The following CNDP2 variants were observed in gnomAD, a reference collection of about 807,000 sequenced individuals.
CNDP2 encodes the protein cytosolic non-specific dipeptidase.
Under a neutral mutation model 55.0 loss-of-function variants are expected in CNDP2, and 38 were observed. The observed-to-expected ratio is 0.69, with a 90% CI of 0.53 to 0.90. The LOEUF (loss-of-function observed/expected upper bound fraction) is 0.90, where lower values mean the gene tolerates loss of function less well. Ranked by LOEUF, CNDP2 falls within the 40% of genes least tolerant of loss-of-function variation. The pLI is 0.00. For missense variants in CNDP2, 607 were observed against 621.7 expected, an observed-to-expected ratio of 0.98 and a Z score of 0.25; for synonymous variants, 241 against 260.2, an observed-to-expected ratio of 0.93 and a Z score of 0.71.
Position 74,518,313 on chromosome 18 carries a change from T to C in CNDP2, c.1069-186T>C, listed in dbSNP as rs1255136494. ...GTCTCCTCTTTCCTTACTCTAGTTA[T>C]GTAGCTCAGTATTAAGCAACAGAAA... On this transcript the variant is annotated intron_variant, in intron 9 of 11. Transcript: ENST00000324262. 1.4e-5 allele frequency: 8 copies of C among 560,270 alleles called. No individual in the cohort carries two copies. The Admixed American group carries it at 1.6e-4, about 11-fold the overall frequency. 34.7% of individuals were successfully genotyped at this position (560,270 alleles called of 1,614,324 possible).
At chr18:74,514,554 T>C (rs74825293) in intron 8 of CNDP2, among the ~76,000 whole-genome samples, 213 of 133,582 alleles carry the variant, frequency 1.6e-3, no homozygotes, top group Non-Finnish European at 2.5e-3. Context: ...TTATGTGGTA[T>C]GGATGTAAGT....
chr18:74,503,043 T>G (rs1326903572), intron 3 of CNDP2, among the ~76,000 whole-genome samples: 1 of 151,138 alleles, frequency 6.6e-6, no homozygotes, highest in African/African-American at 2.4e-5. Flanking sequence ...GTTGTTTCTT[T>G]TTAGGGTCAG....
chr18:74,519,354 TC>T (rs2144619558), intron 11 of CNDP2, among the ~76,000 whole-genome samples: 1 of 152,338 alleles, frequency 6.6e-6, no homozygotes, highest in South Asian at 2.1e-4. Context: ...TTCCTTTTTT[TC>T]CTGTTCATTT....
intron 3 of CNDP2, among the ~76,000 whole-genome samples, chr18:74,504,185 C>T (rs1978878885): frequency 6.7e-6 from 1 of 149,102 alleles, no homozygotes; most frequent in South Asian, 2.1e-4. Flanking sequence ...CACACGCAGC[C>T]ACACTGCCAC....
chr18:74,510,693 G>T (rs546243549), intron 5 of CNDP2, 120 bp from the exon 6 acceptor site: 31 of 839,926 alleles, frequency 3.7e-5, no homozygotes, highest in Middle Eastern at 3.6e-4. Flanking sequence ...AGGTGCACAC[G>T]GAGGCCCATG....
At chr18:74,503,846 C>A (rs1204276166) in intron 3 of CNDP2, among the ~76,000 whole-genome samples, 3 of 150,398 alleles carry the variant, frequency 2.0e-5, no homozygotes, top group African/African-American at 7.4e-5. Context: ...TCAGGCCACA[C>A]GCCACACACG....
intron 11 of CNDP2, 96 bp downstream of exon 11, chr18:74,519,192 G>A (rs1251280195): frequency 1.3e-5 from 19 of 1,462,890 alleles, no homozygotes; most frequent in Non-Finnish European, 1.5e-5. Flanking sequence ...AAGAGAAGCA[G>A]GTGGGGGTGA....
At position 74,519,110 on chromosome 18, in the gene CNDP2, G is replaced by T. The variant is rs772042166; in HGVS notation, c.1358+14G>T. 7 of 1,595,192 alleles carry T rather than the reference G, an allele frequency of 4.4e-6. No homozygotes were observed. Among genetic ancestry groups the T allele is most frequent in the Admixed American group, 3.4e-5 (2 of 58,918 alleles). Reference sequence around the variant, plus strand: ...AAAGCTCAACAGGTGAGAGTCCAGGGTGCGGCCCAGGTTGGCGTCTCCTGC... The same window carrying T: ...AAAGCTCAACAGGTGAGAGTCCAGGTTGCGGCCCAGGTTGGCGTCTCCTGC... On this transcript the variant is annotated intron_variant, in intron 11 of 11. Transcript: ENST00000324262.
chr18:74,502,168 G>A (rs1169705052), intron 3 of CNDP2, among the ~76,000 whole-genome samples: 1 of 152,216 alleles, frequency 6.6e-6, no homozygotes, highest in Non-Finnish European at 1.5e-5. Flanking sequence ...TTACAGGTGT[G>A]AGCCACTTTT....
Position 74,496,432 on chromosome 18 carries a change from G to A in CNDP2, c.-93+1G>A, listed in dbSNP as rs1252900701. 1 of 152,510 alleles carries A rather than the reference G, an allele frequency of 6.6e-6. No homozygotes were observed. The highest frequency in any genetic ancestry group is 2.4e-5 in the African/African-American group (1 of 41,460). The allele number at this position is 152,510 out of a possible 1,614,324, so 9.4% of individuals were successfully genotyped here. The stretch of plus-strand genomic sequence containing the variant: ...TTGCCTAGTGGGCCTTCCTTCCCAG[G>A]TGGGTCTTCCTGATGGACCTTCCTT... On this transcript the variant is annotated splice_donor_variant, in intron 1 of 11. Coordinates refer to ENST00000324262, the MANE Select transcript of CNDP2 (RefSeq NM_018235.3). LOFTEE classifies it low-confidence loss of function (5UTR_SPLICE).
intron 6 of CNDP2, among the ~76,000 whole-genome samples, chr18:74,511,566 G>C (rs1303644406): frequency 1.3e-5 from 2 of 152,118 alleles, no homozygotes; most frequent in African/African-American, 4.8e-5. Context: ...AAGTTAGCCA[G>C]GTGTGGTGGC....
At chr18:74,517,901 C>A (rs1167735974) in intron 9 of CNDP2, 1 of 152,180 alleles carries the variant, frequency 6.6e-6, no homozygotes, top group Non-Finnish European at 1.5e-5. Context: ...TTTAGAAGAT[C>A]TTTGGAAAGA....
chr18:74,510,675 G>A, intron 5 of CNDP2, 138 bp from the exon 6 acceptor site: 1 of 726,386 alleles, frequency 1.4e-6, no homozygotes, highest in Non-Finnish European at 2.3e-6. Flanking sequence ...TGGGGAGGGG[G>A]TGATGACAGG....
chr18:74,504,681 A>G (rs1254842682), intron 3 of CNDP2: 1 of 152,282 alleles, frequency 6.6e-6, no homozygotes, highest in Non-Finnish European at 1.5e-5. Context: ...TTTCATGAAC[A>G]GTATTTTCTA....
intron 2 of CNDP2, among the ~76,000 whole-genome samples, chr18:74,500,392 T>C (rs1220696613): frequency 6.6e-6 from 1 of 152,246 alleles, no homozygotes; most frequent in Non-Finnish European, 1.5e-5. Context: ...TTTAAAGTTA[T>C]TCTTCGTACA....
intron 3 of CNDP2, among the ~76,000 whole-genome samples, chr18:74,503,347 C>A (rs1205555356): frequency 6.6e-6 from 1 of 152,166 alleles, no homozygotes. Flanking sequence ...CTGTTCTCTT[C>A]CCGCATGTCC....
intron 3 of CNDP2, among the ~76,000 whole-genome samples, chr18:74,505,537 TGCAA>T (rs1286196462): frequency 6.6e-6 from 1 of 150,856 alleles, no homozygotes; most frequent in Non-Finnish European, 1.5e-5. Context: ...AGGCAGAGGT[TGCAA>T]TGAGCTGGGA....
rs184702384 is a variant in CNDP2, at chr18:74,509,994, G to T, written c.457-819G>T. The stretch of plus-strand genomic sequence containing the variant: ...CTGGTGCGGCCGAGCCTGCATGCTG[G>T]GCGGGAACTAGGAAGCCTCCCCAAC... On this transcript the variant is annotated intron_variant, in intron 5 of 11. Transcript: ENST00000324262. 7.2e-5 allele frequency among the ~76,000 whole-genome samples: 11 copies of T among 152,336 alleles called. No individual in the cohort carries two copies. The East Asian group carries it at 2.1e-3, about 29-fold the overall frequency.
At chr18:74,517,967 T>A (rs1270796517) in intron 9 of CNDP2, 1 of 152,288 alleles carries the variant, frequency 6.6e-6, no homozygotes, top group Non-Finnish European at 1.5e-5. Flanking sequence ...TGGGTTTTAT[T>A]TTTTGATAAG....
Sources: allele counts gnomAD v4.1 joint callset (sites outside exome capture counted in the v4.1 genomes callset), GRCh38; gene constraint gnomAD v4.1.1; transcripts MANE v1.5; gene names NCBI Gene and HGNC (gene_info 2026-07-23, HGNC 2026-07-21).